Variants in ZNF681 observed in about 807,000 individuals in gnomAD.
ZNF681 encodes hypothetical protein FLJ31526.
ZNF681 carries 37 observed loss-of-function variants against 56.0 expected under a neutral mutation model. That is an observed-to-expected ratio of 0.66 (90% CI 0.51 to 0.87). The LOEUF is 0.87. Ranked by LOEUF, ZNF681 falls within the 40% of genes least tolerant of loss-of-function variation. The pLI is 0.00. For synonymous variants in ZNF681, 225 were observed against 248.6 expected (o/e 0.91, Z 0.89); for missense variants, 741 against 744.9 (o/e 0.99, Z 0.06).
chr19:23,754,933 GTAAATAACA>G lies in ZNF681; in HGVS notation c.131-24_131-16del. The G allele has an allele frequency of 6.2e-7, 1 of 1,602,156 alleles. No homozygotes were observed. The highest frequency in any genetic ancestry group is 8.5e-7 in the Non-Finnish European group (1 of 1,171,632). Reference sequence around the variant, plus strand: ...GACAACAATACCTGTTTTATTGAAAGTAAATAACATAAATCTTGCTTATATTGTCTAATC... The same window carrying G: ...GACAACAATACCTGTTTTATTGAAAGTAAATCTTGCTTATATTGTCTAATC... On this transcript the variant is annotated splice_polypyrimidine_tract_variant and intron_variant, in intron 2 of 3. Transcript: ENST00000402377.
In ZNF681 at chr19:23,744,896, T is replaced by G. The variant is rs1399567033; in HGVS notation, c.654A>C (p.Arg218Ser). 1 of 1,609,568 alleles carries G rather than the reference T, an allele frequency of 6.2e-7. No individual in the cohort carries two copies. The highest frequency in any genetic ancestry group is 1.1e-5 in the South Asian group (1 of 90,448). Reference protein sequence around the residue: ...NGSSIFTKHKRIHIGEKSYIC... With the variant: ...NGSSIFTKHKSIHIGEKSYIC... ...TGTACGATTTCTCTCCAATATGAAT[T>G]CTTTTATGTTTAGTAAAGATTGAGG... The change falls in exon 4 of 4, where the codon AGA (arginine) becomes AGC (serine). Residue 218 changes from arginine (R) to serine (S), a missense_variant. By Grantham distance (110) the Arg-to-Ser change is moderately radical. Coordinates refer to ENST00000402377, the MANE Select transcript of ZNF681 (RefSeq NM_138286.3).
chr19:23,754,885 C>A lies in ZNF681; in HGVS notation c.164G>T (p.Cys55Phe), dbSNP rs927665986. 6.2e-7 allele frequency: 1 copy of A among 1,613,944 alleles called. No homozygotes were observed. Among genetic ancestry groups the A allele is most frequent in the African/African-American group, 1.3e-5 (1 of 74,906 alleles). ...IVVSKPDLIT[C>F]LEQEKEPWTR... ...CCAAGGCTCTTTTTCTTGTTCCAGA[C>A]AGGTGATCAGGTCTGGCTTAGAGAC... The change falls in exon 3 of 4, where the codon TGT becomes TTT. Residue 55 changes from cysteine (C) to phenylalanine (F), a missense_variant. Physicochemically the swap from Cys to Phe is radical, Grantham distance 205. Coordinates refer to ENST00000402377, the MANE Select transcript of ZNF681 (RefSeq NM_138286.3).
chr19:23,749,037 T>C (rs1968985818), intron 3 of ZNF681, among the ~76,000 whole-genome samples: 1 of 152,224 alleles, frequency 6.6e-6, no homozygotes, highest in African/African-American at 2.4e-5. Flanking sequence ...CTAGAAGGCA[T>C]ATTTGAATAT....
intron 3 of ZNF681, among the ~76,000 whole-genome samples, chr19:23,748,832 A>G (rs1260465696): frequency 2.0e-5 from 3 of 152,200 alleles, no homozygotes; most frequent in Non-Finnish European, 2.9e-5. Flanking sequence ...ACTCAAACCA[A>G]TTAGAATGGC....
intron 3 of ZNF681, among the ~76,000 whole-genome samples, chr19:23,752,330 C>A (rs1223679425): frequency 6.6e-6 from 1 of 152,210 alleles, no homozygotes; most frequent in Non-Finnish European, 1.5e-5. Context: ...TATAGCCATG[C>A]AGCAGGCCTG....
chr19:23,758,756 G>A lies in ZNF681; in HGVS notation c.-7C>T. The A allele has an allele frequency of 3.1e-6, 5 of 1,614,238 alleles. No individual in the cohort carries two copies. Among genetic ancestry groups the A allele is most frequent in the Middle Eastern group, 1.6e-4 (1 of 6,062 alleles). ...GACCCGACATTCTCACCATTTCTAGGTTTCCGGGGGACCTGGCGTCTTAGC... is the reference window on the plus strand; with the variant it reads ...GACCCGACATTCTCACCATTTCTAGATTTCCGGGGGACCTGGCGTCTTAGC... On this transcript the variant is annotated 5_prime_UTR_variant, in exon 1 of 4. Transcript: ENST00000402377.
Position 23,745,167 on chromosome 19 carries a change from T to C in ZNF681, c.383A>G (p.Asn128Ser). ...AGTTGGCAAACATTGGTTAAGTCCATTATAACCTCCTTTTTGCACTTTGCA... is the reference window on the plus strand; with the variant it reads ...AGTTGGCAAACATTGGTTAAGTCCACTATAACCTCCTTTTTGCACTTTGCA... ...DECKVQKGGY[N>S]GLNQCLPTTQ... Residue 128 changes from asparagine to serine, a missense_variant, in exon 4 of 4, where the codon AAT becomes AGT. By Grantham distance (46) the Asn-to-Ser change is conservative (BLOSUM62 1). Transcript: ENST00000402377. 3 of 1,613,286 alleles carry C rather than the reference T, an allele frequency of 1.9e-6. No individual in the cohort carries two copies. Among genetic ancestry groups the C allele is most frequent in the Non-Finnish European group, 2.5e-6 (3 of 1,179,816 alleles).
intron 3 of ZNF681, 97 bp from the exon 4 acceptor site, chr19:23,745,420 G>T: frequency 2.1e-6 from 2 of 960,478 alleles, no homozygotes; most frequent in Non-Finnish European, 2.8e-6. Flanking sequence ...ACATAAGCAA[G>T]ATGGTATAGC....
chr19:23,745,449 ATTTTTT>A, intron 3 of ZNF681, 126 bp from the exon 4 acceptor site: 1 of 480,918 alleles, frequency 2.1e-6, no homozygotes, highest in Non-Finnish European at 3.2e-6. Context: ...AAAGGCCCTA[ATTTTTT>A]TTTTTTTTTT....
At position 23,754,878 on chromosome 19, in the gene ZNF681, T is replaced by A; in HGVS notation, c.171A>T (p.Glu57Asp). 6.2e-7 allele frequency: 1 copy of A among 1,614,090 alleles called. No homozygotes were observed. Among genetic ancestry groups the A allele is most frequent in the Non-Finnish European group, 8.5e-7 (1 of 1,180,008 alleles). Reference sequence around the variant, plus strand: ...TTCTAGTCCAAGGCTCTTTTTCTTGTTCCAGACAGGTGATCAGGTCTGGCT... The same window carrying A: ...TTCTAGTCCAAGGCTCTTTTTCTTGATCCAGACAGGTGATCAGGTCTGGCT... ...VSKPDLITCL[E>D]QEKEPWTRKR... Residue 57 changes from glutamate to aspartate, a missense_variant, in exon 3 of 4, where the codon GAA (glutamate) becomes GAT (aspartate). Glu to Asp is a conservative substitution (Grantham distance 45). Transcript: ENST00000402377.
chr19:23,744,048 G>A lies in ZNF681; in HGVS notation c.1502C>T (p.Thr501Ile). The change falls in exon 4 of 4, where the codon ACT (threonine) becomes ATT (isoleucine). Residue 501 changes from threonine (T) to isoleucine (I), a missense_variant. Thr to Ile is a moderately conservative substitution (Grantham distance 89). Coordinates refer to ENST00000402377, the MANE Select transcript of ZNF681 (RefSeq NM_138286.3). The part of the protein sequence containing the change: ...SILTTHKRIH[T>I]GEKSYKCEEC... ...TTCACATTTGTAGGATTTCTCTCCA[G>A]TATGAATTCTCTTATGTGTAGTAAG... 1 of 1,613,108 alleles carries A rather than the reference G, an allele frequency of 6.2e-7. No individual in the cohort carries two copies. The highest frequency in any genetic ancestry group is 8.5e-7 in the Non-Finnish European group (1 of 1,179,762).
chr19:23,744,957 T>A lies in ZNF681; in HGVS notation c.593A>T (p.Tyr198Phe), dbSNP rs1968924229. The change falls in exon 4 of 4, where the codon TAC becomes TTC. Residue 198 changes from tyrosine to phenylalanine, a missense_variant. Coordinates refer to ENST00000402377, the MANE Select transcript of ZNF681 (RefSeq NM_138286.3). ...HKIICTRVNFYKCEDCGKAFN... is the reference protein window; with the variant it reads ...HKIICTRVNFFKCEDCGKAFN... ...GGCTTTTCCACAGTCTTCACATTTG[T>A]AGAAATTTACTCTAGTACAAATTAT... The A allele has an allele frequency of 1.2e-6, 2 of 1,602,646 alleles. No individual in the cohort carries two copies. The highest frequency in any genetic ancestry group is 1.7e-6 in the Non-Finnish European group (2 of 1,175,600).
chr19:23,755,987 C>A (rs1187450078), intron 1 of ZNF681, among the ~76,000 whole-genome samples: 3 of 152,046 alleles, frequency 2.0e-5, no homozygotes, highest in Non-Finnish European at 4.4e-5. Flanking sequence ...CCAGTGATAC[C>A]ATTTCTGAGT....
Position 23,740,824 on chromosome 19 carries a change from A to G in ZNF681, c.*2788T>C, listed in dbSNP as rs547046814. ...ATACACTAATTTTGAAATTAAATCT[A>G]AATTTTTTGCACTAATTTTATAAAA... On this transcript the variant is annotated 3_prime_UTR_variant, in exon 4 of 4. Coordinates refer to ENST00000402377, the MANE Select transcript of ZNF681 (RefSeq NM_138286.3). The G allele has an allele frequency of 5.5e-4, 84 of 152,258 alleles. No homozygotes were observed. Among genetic ancestry groups the G allele is most frequent in the African/African-American group, 1.9e-3 (78 of 41,572 alleles). The allele number at this position is 152,258 out of a possible 1,614,324, so 9.4% of individuals were successfully genotyped here. A position where few individuals can be genotyped will look rare whatever the true frequency, so the allele number is the denominator to read the frequency against.
chr19:23,754,494 T>A (rs1316463362), intron 3 of ZNF681, among the ~76,000 whole-genome samples: 1 of 151,948 alleles, frequency 6.6e-6, no homozygotes, highest in Non-Finnish European at 1.5e-5. Flanking sequence ...AGTGAAACCG[T>A]CTCTACTAAA....
chr19:23,752,808 T>A (rs1357326310), intron 3 of ZNF681, among the ~76,000 whole-genome samples: 1 of 152,162 alleles, frequency 6.6e-6, no homozygotes, highest in Non-Finnish European at 1.5e-5. Flanking sequence ...CTTTTTCAAG[T>A]TTAAAGACAC....
At position 23,740,794 on chromosome 19, in the gene ZNF681, T is replaced by A. The variant is rs1041971055; in HGVS notation, c.*2818A>T. 6.6e-6 allele frequency: 1 copy of A among 152,182 alleles called. No individual in the cohort carries two copies. Among genetic ancestry groups the A allele is most frequent in the South Asian group, 2.1e-4 (1 of 4,824 alleles). The allele number at this position is 152,182 out of a possible 1,614,324, so 9.4% of individuals were successfully genotyped here. On this transcript the variant is annotated 3_prime_UTR_variant, in exon 4 of 4. Transcript: ENST00000402377. ...TAAAATATTCTAACAACATAAAATA[T>A]AACAATACACTAATTTTGAAATTAA...
In ZNF681 at chr19:23,744,714, T is replaced by A; in HGVS notation, c.836A>T (p.Glu279Val). Reference protein sequence around the residue: ...ITTHTIIHTGENPYKREECDK... With the variant: ...ITTHTIIHTGVNPYKREECDK... ...ACATTCTTCACGTTTGTAGGGATTC[T>A]CTCCAGTATGAATTATTGTATGTGT... Residue 279 changes from glutamate to valine, a missense_variant, in exon 4 of 4, where the codon GAG becomes GTG. Coordinates refer to ENST00000402377, the MANE Select transcript of ZNF681 (RefSeq NM_138286.3). The A allele has an allele frequency of 6.2e-7, 1 of 1,614,068 alleles. No individual in the cohort carries two copies. The highest frequency in any genetic ancestry group is 8.5e-7 in the Non-Finnish European group (1 of 1,179,950).
chr19:23,755,428 A>T lies in ZNF681; in HGVS notation c.127T>A (p.Leu43Met), dbSNP rs1386647459. ...TGTATATTGAAGTTATCCTCACCCA[A>T]GAAGACCAGGTTTCTGTAGTTCTCT... ...MLENYRNLVFLGIVVSKPDLI... is the reference protein window; with the variant it reads ...MLENYRNLVFMGIVVSKPDLI... Residue 43 changes from leucine to methionine, a missense_variant, in exon 2 of 4, where the codon TTG (leucine) becomes ATG (methionine). Transcript: ENST00000402377. 2.5e-6 allele frequency: 4 copies of T among 1,610,704 alleles called. No homozygotes were observed. Among genetic ancestry groups the T allele is most frequent in the Non-Finnish European group, 3.4e-6 (4 of 1,178,346 alleles).
Sources: gnomAD v4.1 joint callset for allele counts (sites outside exome capture counted in the v4.1 genomes callset) on GRCh38, gnomAD v4.1.1 for gene constraint, MANE v1.5 for transcripts, NCBI Gene and HGNC (gene_info 2026-07-23, HGNC 2026-07-21) for gene names.